PLA2G4C: variants seen among roughly 807,000 people sequenced by gnomAD.
The protein encoded by PLA2G4C is cytosolic phospholipase A2 gamma.
Under a neutral mutation model 73.8 loss-of-function variants are expected in PLA2G4C, and 64 were observed. The ratio of observed to expected loss-of-function variants is 0.87; its 90% CI spans 0.71 to 1.07. PLA2G4C has a LOEUF of 1.07. Ranked by LOEUF, PLA2G4C falls within the 50% of genes least tolerant of loss-of-function variation. The pLI is 0.00. For missense variants in PLA2G4C, 622 were observed against 665.4 expected (o/e 0.93, Z 0.72); for synonymous variants, 254 against 252.1 (o/e 1.01, Z -0.07).
At chr19:48,066,080 T>G (rs913511074) in intron 13 of PLA2G4C, among the ~76,000 whole-genome samples, 1 of 132,654 alleles carries the variant, frequency 7.5e-6, no homozygotes, top group Admixed American at 7.6e-5. Context: ...AGAGCAAAAC[T>G]CCATCTCAAA....
intron 10 of PLA2G4C, among the ~76,000 whole-genome samples, chr19:48,082,412 A>C (rs2030637208): frequency 6.6e-6 from 1 of 151,952 alleles, no homozygotes; most frequent in South Asian, 2.1e-4. Flanking sequence ...CGGTTAGGTC[A>C]AGCTTCTGCT....
chr19:48,077,889 T>C (rs2030275648), intron 10 of PLA2G4C, 65 bp from the exon 11 acceptor site: 5 of 1,319,016 alleles, frequency 3.8e-6, no homozygotes, highest in Non-Finnish European at 5.3e-6. Flanking sequence ...AAAATACAGA[T>C]TACCTGCAGC....
At chr19:48,048,549 A>G (rs1967606626) in intron 16 of PLA2G4C, among the ~76,000 whole-genome samples, 161 bp from the exon 17 acceptor site, 2 of 152,048 alleles carry the variant, frequency 1.3e-5, no homozygotes, top group South Asian at 4.1e-4. Context: ...GAGCTCCACC[A>G]CCTCCTCCTG....
chr19:48,074,970 C>A, intron 11 of PLA2G4C, 96 bp from the exon 12 acceptor site: 1 of 788,122 alleles, frequency 1.3e-6, no homozygotes, highest in Non-Finnish European at 2.1e-6. Flanking sequence ...CAATGCCCTG[C>A]GGTTCCTCCT....
At chr19:48,103,602 T>C (rs1477338536) in intron 4 of PLA2G4C, among the ~76,000 whole-genome samples, 1 of 152,236 alleles carries the variant, frequency 6.6e-6, no homozygotes, top group East Asian at 1.9e-4. Flanking sequence ...ATGTCTGCCC[T>C]GGGCTTGGCA....
intron 2 of PLA2G4C, among the ~76,000 whole-genome samples, chr19:48,106,084 C>T (rs2032223602): frequency 6.8e-6 from 1 of 147,766 alleles, no homozygotes; most frequent in African/African-American, 2.5e-5. Context: ...GCAACCTCCA[C>T]CTCCCCGGTT....
chr19:48,099,763 T>G lies in PLA2G4C; in HGVS notation c.355A>C (p.Ser119Arg), dbSNP rs563781834. 11 of 1,614,048 alleles carry G rather than the reference T, an allele frequency of 6.8e-6. No homozygotes were observed. The South Asian group carries it at 9.9e-5, about 14-fold the overall frequency. The stretch of plus-strand genomic sequence containing the variant: ...GCTGCTTGGATGGTTTTCTGTAGGC[T>G]CTTAGCCAAGTCCCACTCCTGTCGG... ...FTRQEWDLAK[S>R]LQKTIQAARS... Residue 119 changes from serine to arginine, a missense_variant, in exon 5 of 17, where the codon AGC (serine) becomes CGC (arginine). Transcript: ENST00000599921.
intron 11 of PLA2G4C, among the ~76,000 whole-genome samples, chr19:48,077,552 T>C (rs1012344790): frequency 6.6e-6 from 1 of 152,134 alleles, no homozygotes; most frequent in African/African-American, 2.4e-5. Context: ...GTAATTCCTA[T>C]CAAAATACTA....
At chr19:48,089,180 C>G (rs1234418980) in intron 8 of PLA2G4C, among the ~76,000 whole-genome samples, 2 of 152,170 alleles carry the variant, frequency 1.3e-5, no homozygotes, top group African/African-American at 4.8e-5. Context: ...GTAATCCTAG[C>G]ACACTGGGAG....
chr19:48,092,296 G>A (rs536148981), intron 7 of PLA2G4C, among the ~76,000 whole-genome samples: 6 of 152,098 alleles, frequency 3.9e-5, no homozygotes, highest in Non-Finnish European at 7.4e-5. Context: ...TGATCCACCC[G>A]CCTCGGCCTC....
chr19:48,100,603 TAA>T (rs745962740), intron 4 of PLA2G4C, among the ~76,000 whole-genome samples: 3 of 40,684 alleles, frequency 7.4e-5, no homozygotes, highest in Non-Finnish European at 4.0e-5. Flanking sequence ...TGACTCCATC[TAA>T]AAAAAAAAAA....
At position 48,072,221 on chromosome 19, in the gene PLA2G4C, G is replaced by T. The variant is rs1250736659; in HGVS notation, c.1006+2546C>A. On this transcript the variant is annotated intron_variant, in intron 12 of 16. Transcript: ENST00000599921. The surrounding 1 kb of genome is among the most constrained non-coding windows in gnomAD (Gnocchi z 4.4). ...AAAGAAAACTTTTTAAGGGATGGGG[G>T]TCTCACTCTGAGTGCAGTGGTGCAT... The T allele has an allele frequency of 6.6e-6, 1 of 152,112 alleles. No individual in the cohort carries two copies. Among genetic ancestry groups the T allele is most frequent in the Non-Finnish European group, 1.5e-5 (1 of 68,028 alleles). The allele number at this position is 152,112 out of a possible 1,614,324, so 9.4% of individuals were successfully genotyped here.
At position 48,085,557 on chromosome 19, in the gene PLA2G4C, A is replaced by C. The variant is rs533811622; in HGVS notation, c.791-445T>G. Among the ~76,000 whole-genome samples the C allele has an allele frequency of 2.6e-5, 4 of 152,318 alleles. No individual in the cohort carries two copies. In the East Asian group the frequency reaches 7.7e-4, roughly 29 times the overall value. ...ACTATGAAAGAGCAGGACAGCAAAC[A>C]TGTTGGATTAGAGGCATTGCTGGCA... On this transcript the variant is annotated intron_variant, in intron 9 of 16. Coordinates refer to ENST00000599921, the MANE Select transcript of PLA2G4C (RefSeq NM_003706.3).
At chr19:48,067,270 C>G (rs149577170) in intron 13 of PLA2G4C, among the ~76,000 whole-genome samples, 1 of 151,252 alleles carries the variant, frequency 6.6e-6, no homozygotes, top group Non-Finnish European at 1.5e-5. Flanking sequence ...TGGGTTCAAA[C>G]GATTCTCCTG....
At chr19:48,075,815 G>A (rs1012612813) in intron 11 of PLA2G4C, among the ~76,000 whole-genome samples, 8 of 151,636 alleles carry the variant, frequency 5.3e-5, no homozygotes, top group South Asian at 2.1e-4. Context: ...ACAGGTTGTC[G>A]CTCTGTCACC....
At chr19:48,076,671 A>G (rs1221328888) in intron 11 of PLA2G4C, among the ~76,000 whole-genome samples, 2 of 151,902 alleles carry the variant, frequency 1.3e-5, no homozygotes, top group African/African-American at 4.8e-5. Flanking sequence ...TGAACCTGGA[A>G]GGCAGAGGTT....
rs532961097 is a variant in PLA2G4C, at chr19:48,055,229, C to T, written c.1258-180G>A. ...GGGAAAGAGTAAGCCTCTGCCATCA[C>T]CCGCACTCCCCAGCCCACCTAGAGA... is the stretch of plus-strand genomic sequence containing the variant. On this transcript the variant is annotated intron_variant, in intron 14 of 16. Transcript: ENST00000599921. Among the ~76,000 whole-genome samples the T allele has an allele frequency of 2.6e-5, 4 of 151,434 alleles. No individual in the cohort carries two copies. In the East Asian group the frequency reaches 5.9e-4, roughly 22 times the overall value.
intron 2 of PLA2G4C, among the ~76,000 whole-genome samples, chr19:48,105,922 C>T (rs568342891): frequency 2.5e-4 from 6 of 24,090 alleles, no homozygotes; most frequent in African/African-American, 2.0e-3. Context: ...TCCCTCCCTC[C>T]CTCCCTCCCT....
rs940138412 is a variant in PLA2G4C, at chr19:48,110,704, G to A, written c.-250C>T. The A allele has an allele frequency of 7.8e-6, 4 of 512,270 alleles. No individual in the cohort carries two copies. Among genetic ancestry groups the A allele is most frequent in the Non-Finnish European group, 1.4e-5 (4 of 294,930 alleles). 31.7% of individuals were successfully genotyped at this position (512,270 alleles called of 1,614,324 possible). ...CTGTGGGAGGAGGTCGCGGGCTGGA[G>A]GTGTTTCCTCCTGGTCCTGAGCAGG... is the stretch of plus-strand genomic sequence containing the variant. On this transcript the variant is annotated 5_prime_UTR_variant, in exon 1 of 17. Coordinates refer to ENST00000599921, the MANE Select transcript of PLA2G4C (RefSeq NM_003706.3).
Sources: gnomAD v4.1 joint callset for allele counts (sites outside exome capture counted in the v4.1 genomes callset) on GRCh38, gnomAD v4.1.1 for gene constraint, Gnocchi (gnomAD v3.1) non-coding constraint, MANE v1.5 for transcripts, NCBI Gene and HGNC (gene_info 2026-07-23, HGNC 2026-07-21) for gene names.